NRXN3: variants seen among roughly 807,000 people sequenced by gnomAD.
NRXN3 encodes neurexin III.
NRXN3 carries 32 observed loss-of-function variants against 137.6 expected under a neutral mutation model. That is an observed-to-expected ratio of 0.23 (90% CI 0.18 to 0.31). The LOEUF is 0.31. NRXN3 is among the 10% of genes least tolerant of loss of function. NRXN3 has a pLI of 1.00. For synonymous variants in NRXN3, 798 were observed against 784.5 expected, an observed-to-expected ratio of 1.02 and a Z score of -0.29; for missense variants, 1,574 against 2,062.5, an observed-to-expected ratio of 0.76 and a Z score of 4.59.
At chr14:79,012,865 C>T (rs993498853) in intron 15 of NRXN3, among the ~76,000 whole-genome samples, 1 of 152,090 alleles carries the variant, frequency 6.6e-6, no homozygotes. Context: ...CCCATCAAAC[C>T]GTGGACAGAG....
chr14:78,820,013 GA>G (rs1327065930), intron 10 of NRXN3, among the ~76,000 whole-genome samples: 1 of 152,068 alleles, frequency 6.6e-6, no homozygotes, highest in Non-Finnish European at 1.5e-5. Context: ...TCCAATTCAT[GA>G]ATCACTGTTT....
intron 4 of NRXN3, among the ~76,000 whole-genome samples, chr14:78,633,854 TC>T (rs1220211574): frequency 6.6e-6 from 1 of 152,174 alleles, no homozygotes; most frequent in East Asian, 1.9e-4. Context: ...GCCCTATTGA[TC>T]TTGTTCAGGC....
intron 10 of NRXN3, among the ~76,000 whole-genome samples, chr14:78,943,608 G>GT (rs1220995682): frequency 3.8e-5 from 2 of 52,290 alleles, no homozygotes; most frequent in Admixed American, 5.9e-4. Context: ...CAAGATCACT[G>GT]TTAAAAAAAA....
rs112868277 is a variant in NRXN3 at position 78,390,733 on chromosome 14, A to G, written c.757+92873A>G. Among the ~76,000 whole-genome samples the G allele has an allele frequency of 8.2e-4, 125 of 152,320 alleles. 2 individuals carry two copies. Among genetic ancestry groups the G allele is most frequent in the African/African-American group, 2.9e-3 (119 of 41,572 alleles). Reference sequence around the variant, plus strand: ...CATGTACATCTATTGCTTGAAAGAAAATCATTTCATTGCTGGTTAAATGAG... The same window carrying G: ...CATGTACATCTATTGCTTGAAAGAAGATCATTTCATTGCTGGTTAAATGAG... On this transcript the variant is annotated intron_variant, in intron 4 of 20. Transcript: ENST00000335750.
intron 4 of NRXN3, chr14:78,403,804 CCT>C (rs2092288372): frequency 1.0e-6 from 1 of 985,282 alleles, no homozygotes; most frequent in Non-Finnish European, 1.2e-6. Context: ...GTTTCTGCCC[CCT>C]GAGGTTGTGC....
At chr14:78,978,816 G>A (rs548284541) in intron 14 of NRXN3, among the ~76,000 whole-genome samples, 1 of 149,930 alleles carries the variant, frequency 6.7e-6, no homozygotes, top group Non-Finnish European at 1.5e-5. Context: ...AATAGGAATT[G>A]GCTCACATGA....
chr14:79,003,279 T>C (rs2099545492), intron 15 of NRXN3, among the ~76,000 whole-genome samples: 1 of 152,320 alleles, frequency 6.6e-6, no homozygotes, highest in South Asian at 2.1e-4. Context: ...GCTCTTGTCA[T>C]TGTAAGACTT....
intron 4 of NRXN3, among the ~76,000 whole-genome samples, chr14:78,317,942 G>C (rs546938048): frequency 1.3e-5 from 2 of 152,134 alleles, no homozygotes; most frequent in Non-Finnish European, 2.9e-5. Flanking sequence ...TTGGATTTAG[G>C]GGGAGGCTGG....
intron 4 of NRXN3, among the ~76,000 whole-genome samples, chr14:78,345,925 A>C (rs1169129038): frequency 6.6e-6 from 1 of 152,092 alleles, no homozygotes; most frequent in Non-Finnish European, 1.5e-5. Context: ...TGTTGTACCT[A>C]CTCTAGCTCT....
intron 4 of NRXN3, among the ~76,000 whole-genome samples, chr14:78,458,981 C>A (rs1350990923): frequency 6.6e-6 from 1 of 152,190 alleles, no homozygotes; most frequent in Non-Finnish European, 1.5e-5. Context: ...GCCACCTGGG[C>A]ACTTGGAAGA....
chr14:78,341,857 G>T (rs868299281), intron 4 of NRXN3, among the ~76,000 whole-genome samples: 2 of 152,196 alleles, frequency 1.3e-5, no homozygotes, highest in African/African-American at 4.8e-5. Context: ...ATCCCAGAGT[G>T]AATGTATTTA....
chr14:79,454,820 T>C (rs1386289223), intron 15 of NRXN3, among the ~76,000 whole-genome samples: 1 of 152,224 alleles, frequency 6.6e-6, no homozygotes, highest in Non-Finnish European at 1.5e-5. Flanking sequence ...AGTAAAATTA[T>C]ATTCAAATTC....
chr14:78,509,667 G>A (rs534400774), intron 4 of NRXN3, among the ~76,000 whole-genome samples: 2 of 152,152 alleles, frequency 1.3e-5, no homozygotes, highest in Admixed American at 1.3e-4. Flanking sequence ...ACCTCCAGAG[G>A]GACCTGCAGC....
At chr14:78,267,252 A>G (rs564955802) in intron 2 of NRXN3, among the ~76,000 whole-genome samples, 1 of 152,338 alleles carries the variant, frequency 6.6e-6, no homozygotes, top group African/African-American at 2.4e-5. Context: ...CCCAATTTAT[A>G]GATGAAGTTT....
chr14:78,627,918 G>A (rs544333124), intron 4 of NRXN3, among the ~76,000 whole-genome samples: 3 of 152,222 alleles, frequency 2.0e-5, no homozygotes, highest in African/African-American at 7.2e-5. Context: ...GTACCTTGAG[G>A]TAAACCCAAA....
chr14:79,456,758 GAGAGGAGAGGAAGAGAAGC>G (rs2096263651), intron 15 of NRXN3, among the ~76,000 whole-genome samples: 2 of 151,844 alleles, frequency 1.3e-5, no homozygotes, highest in South Asian at 4.2e-4. Context: ...GAGAGGAGAG[GAGAGGAGAGGAAGAGAAGC>G]AGAGGAGAGG....
rs59488018 is a variant in NRXN3 at position 78,429,246 on chromosome 14, T to TATATATATATATA, written c.757+131386_757+131387insATATATATATATA. Among the ~76,000 whole-genome samples the TATATATATATATA allele has an allele frequency of 3.7e-3, 562 of 151,250 alleles. 9 individuals carry two copies. Among genetic ancestry groups the TATATATATATATA allele is most frequent in the African/African-American group, 0.013 (532 of 41,006 alleles). On this transcript the variant is annotated intron_variant, in intron 4 of 20. Coordinates refer to ENST00000335750, the MANE Select transcript of NRXN3 (RefSeq NM_001330195.2). ...TGTGTGCAAACATATATATATATAT[T>TATATATATATATA]TTTTGTATATTTAGTAGAGATGGGG...
chr14:78,952,427 C>G (rs1434808805), intron 10 of NRXN3, among the ~76,000 whole-genome samples: 6 of 152,122 alleles, frequency 3.9e-5, no homozygotes, highest in Non-Finnish European at 7.4e-5. Flanking sequence ...CAGTCCTGTT[C>G]TTTTTCCTTA....
At chr14:78,987,558 T>C (rs2099509494) in intron 14 of NRXN3, among the ~76,000 whole-genome samples, 1 of 152,108 alleles carries the variant, frequency 6.6e-6, no homozygotes, top group East Asian at 1.9e-4. Flanking sequence ...TCATTATCAA[T>C]ATCATTAAAC....
Sources: gnomAD v4.1 joint callset for allele counts (sites outside exome capture counted in the v4.1 genomes callset) on GRCh38, gnomAD v4.1.1 for gene constraint, MANE v1.5 for transcripts, NCBI Gene and HGNC (gene_info 2026-07-23, HGNC 2026-07-21) for gene names.